SPMIP11: variants seen among roughly 807,000 people sequenced by gnomAD.
The protein encoded by SPMIP11 is long intergenic non-protein coding RNA 935.
chr12:48,762,860 C>G, the SPMIP11 span, among the ~76,000 whole-genome samples: 5 of 152,070 alleles, frequency 3.3e-5, no homozygotes, highest in South Asian at 1.0e-3. Context: ...TAAGCTGTAA[C>G]CATTGTGGGG....
chr12:48,753,950 G>C, the SPMIP11 span, among the ~76,000 whole-genome samples: 1 of 151,928 alleles, frequency 6.6e-6, no homozygotes, highest in Non-Finnish European at 1.5e-5. Flanking sequence ...TGATCCACCC[G>C]CCTCAGCCTC....
the SPMIP11 span, chr12:48,771,181 G>A: frequency 1.7e-6 from 1 of 587,062 alleles, no homozygotes; most frequent in Non-Finnish European, 3.0e-6. This position sits in a 1 kb window ranked among gnomAD's most constrained non-coding sequence, Gnocchi z 4.3. Context: ...GCTTCAGAAG[G>A]TCCCTCCAGT....
chr12:48,735,227 T>G, the SPMIP11 span, among the ~76,000 whole-genome samples: 1 of 152,138 alleles, frequency 6.6e-6, no homozygotes, highest in Non-Finnish European at 1.5e-5. Flanking sequence ...CAGCCAACCT[T>G]GATTTCAGCT....
chr12:48,765,842 GTGTCCAGATTGT>G, the SPMIP11 span: 2 of 591,208 alleles, frequency 3.4e-6, no homozygotes, highest in Non-Finnish European at 6.1e-6. Flanking sequence ...AGTGATTCCA[GTGTCCAGATTGT>G]TGTGAGAGCT....
the SPMIP11 span, among the ~76,000 whole-genome samples, chr12:48,729,487 T>C: frequency 6.6e-6 from 1 of 151,736 alleles, no homozygotes; most frequent in East Asian, 1.9e-4. Context: ...TGAGCTGAGA[T>C]TGAGCCACTG....
the SPMIP11 span, among the ~76,000 whole-genome samples, chr12:48,763,813 C>T: frequency 4.2e-3 from 629 of 150,304 alleles, 2 homozygotes; most frequent in African/African-American, 0.015. Flanking sequence ...TGAGTAGCTG[C>T]GATTACAGGC....
At chr12:48,769,084 A>C in the SPMIP11 span, 1,155 of 1,595,758 alleles carry the variant, frequency 7.2e-4, 2 homozygotes, top group Non-Finnish European at 9.4e-4. Flanking sequence ...GAACAGCAAG[A>C]GACTAGTGGA....
At chr12:48,759,296 A>G in the SPMIP11 span, 1 of 702,986 alleles carries the variant, frequency 1.4e-6, no homozygotes, top group East Asian at 2.7e-5. Flanking sequence ...CACACAAGAT[A>G]CCACGAAGCT....
the SPMIP11 span, chr12:48,768,949 G>A: frequency 2.6e-5 from 42 of 1,611,864 alleles, no homozygotes; most frequent in South Asian, 9.9e-5. Context: ...GGATTCGGTC[G>A]GGGACCCCCG....
the SPMIP11 span, among the ~76,000 whole-genome samples, chr12:48,756,771 C>CTTTTTTTTTTTTTTTTTTTTTTTTTT: frequency 9.2e-6 from 1 of 108,648 alleles, no homozygotes; most frequent in African/African-American, 2.9e-5. Context: ...ATTTTTTTTT[C>CTTTTTTTTTTTTTTTTTTTTTTTTTT]TTTTTTTCTT....
the SPMIP11 span, among the ~76,000 whole-genome samples, chr12:48,749,969 G>T: frequency 6.6e-6 from 1 of 151,788 alleles, no homozygotes; most frequent in South Asian, 2.1e-4. Context: ...GGGATTACAG[G>T]CGTGAGCCAC....
At chr12:48,768,784 G>T in the SPMIP11 span, 8 of 1,588,130 alleles carry the variant, frequency 5.0e-6, no homozygotes, top group South Asian at 1.2e-5. Flanking sequence ...GGGCCCAGGG[G>T]TTCTCTAGTC....
At chr12:48,732,110 C>A in the SPMIP11 span, among the ~76,000 whole-genome samples, 2 of 149,490 alleles carry the variant, frequency 1.3e-5, no homozygotes, top group African/African-American at 4.9e-5. Flanking sequence ...GATTGCGCCA[C>A]TGCACTCCAG....
the SPMIP11 span, chr12:48,766,428 C>A: frequency 1.3e-5 from 2 of 152,630 alleles, no homozygotes; most frequent in Admixed American, 1.3e-4. Context: ...GGCCCTCCCA[C>A]CTGGCAAGAA....
the SPMIP11 span, among the ~76,000 whole-genome samples, chr12:48,765,326 G>A: frequency 6.6e-6 from 1 of 152,282 alleles, no homozygotes. Flanking sequence ...CTGCCACCCA[G>A]GTTCAAGCAA....
chr12:48,769,413 CA>C, the SPMIP11 span, among the ~76,000 whole-genome samples: 1,495 of 38,858 alleles, frequency 0.038, 11 homozygotes, highest in South Asian at 0.092. Flanking sequence ...ATCCCCATCT[CA>C]AAAAAAAAAA....
At chr12:48,729,604 G>C in the SPMIP11 span, among the ~76,000 whole-genome samples, 1 of 151,620 alleles carries the variant, frequency 6.6e-6, no homozygotes, top group Admixed American at 6.6e-5. Flanking sequence ...CAGTGACCCA[G>C]GAGGCTGAGG....
At chr12:48,752,669 C>CTTTTTTTTTT in the SPMIP11 span, among the ~76,000 whole-genome samples, 4 of 119,284 alleles carry the variant, frequency 3.4e-5, no homozygotes, top group Non-Finnish European at 5.1e-5. Context: ...CCTATTTATT[C>CTTTTTTTTTT]TTTTTTTTTT....
chr12:48,753,003 C>T, the SPMIP11 span, among the ~76,000 whole-genome samples: 1 of 152,068 alleles, frequency 6.6e-6, no homozygotes, highest in African/African-American at 2.4e-5. Context: ...ATACCTGACA[C>T]TCCTCTTGGT....
Sources: gnomAD v4.1 joint callset for allele counts (sites outside exome capture counted in the v4.1 genomes callset) on GRCh38, gnomAD v4.1.1 for gene constraint, Gnocchi (gnomAD v3.1) non-coding constraint, MANE v1.5 for transcripts, NCBI Gene and HGNC (gene_info 2026-07-23, HGNC 2026-07-21) for gene names.